AGBL4: variants seen among roughly 807,000 people sequenced by gnomAD.
AGBL4 encodes the protein cytosolic carboxypeptidase 6.
In AGBL4, 58 loss-of-function variants were observed where a neutral mutation model predicts 66.4. The observed-to-expected ratio is 0.87, with a 90% CI of 0.71 to 1.09. The LOEUF is 1.09. AGBL4 is among the 50% of genes least tolerant of loss of function. AGBL4 has a pLI of 0.00. For synonymous variants in AGBL4, 234 were observed against 222.9 expected (o/e 1.05, Z -0.44); for missense variants, 579 against 631.0 (o/e 0.92, Z 0.88).
intron 2 of AGBL4, among the ~76,000 whole-genome samples, chr1:49,784,168 T>A (rs1449648009): frequency 6.6e-6 from 1 of 152,058 alleles, no homozygotes; most frequent in Non-Finnish European, 1.5e-5. Flanking sequence ...CTCAGAACAG[T>A]CAGAATAACC....
chr1:48,919,592 G>C (rs1189800203), intron 5 of AGBL4, among the ~76,000 whole-genome samples: 1 of 152,134 alleles, frequency 6.6e-6, no homozygotes, highest in African/African-American at 2.4e-5. Flanking sequence ...CCTACAAATG[G>C]GTTAGATCAG....
intron 1 of AGBL4, among the ~76,000 whole-genome samples, chr1:49,955,210 C>A (rs762029550): frequency 2.6e-5 from 4 of 151,908 alleles, no homozygotes. Context: ...AAGATTTCAA[C>A]CTGTTTCAAG....
At chr1:49,998,726 T>C (rs919674390) in intron 1 of AGBL4, among the ~76,000 whole-genome samples, 1 of 152,118 alleles carries the variant, frequency 6.6e-6, no homozygotes, top group African/African-American at 2.4e-5. Context: ...ATCAAAAAGA[T>C]AATCCACCAT....
At chr1:49,284,078 A>G (rs1354901489) in intron 3 of AGBL4, among the ~76,000 whole-genome samples, 9 of 151,846 alleles carry the variant, frequency 5.9e-5, no homozygotes, top group Admixed American at 5.2e-4. Flanking sequence ...CAGATTCACC[A>G]AAGTTGAAAT....
At chr1:49,633,331 T>A (rs983401189) in intron 3 of AGBL4, among the ~76,000 whole-genome samples, 1 of 152,216 alleles carries the variant, frequency 6.6e-6, no homozygotes, top group Non-Finnish European at 1.5e-5. Context: ...AAAGCAGGAC[T>A]TATGTCTATT....
intron 5 of AGBL4, among the ~76,000 whole-genome samples, chr1:48,929,433 C>G (rs1488222164): frequency 5.9e-5 from 9 of 152,268 alleles, no homozygotes; most frequent in Admixed American, 3.9e-4. Context: ...CTTCCTGCCC[C>G]CCTTTTAAAA....
At chr1:49,687,781 A>G (rs1412677245) in intron 3 of AGBL4, among the ~76,000 whole-genome samples, 1 of 152,092 alleles carries the variant, frequency 6.6e-6, no homozygotes, top group Non-Finnish European at 1.5e-5. Context: ...TCTAAAAAAA[A>G]TAAAAAAAAA....
At chr1:48,718,789 G>A (rs182930446) in intron 6 of AGBL4, among the ~76,000 whole-genome samples, 1 of 152,122 alleles carries the variant, frequency 6.6e-6, no homozygotes, top group African/African-American at 2.4e-5. Flanking sequence ...TATAACTGAG[G>A]CTCATAGGAA....
chr1:48,813,990 G>A (rs1646118138), intron 6 of AGBL4, among the ~76,000 whole-genome samples: 1 of 152,040 alleles, frequency 6.6e-6, no homozygotes, highest in Admixed American at 6.6e-5. Flanking sequence ...CTCCTCTCTT[G>A]TGAATATATT....
intron 4 of AGBL4, among the ~76,000 whole-genome samples, chr1:49,175,523 G>T (rs976685718): frequency 1.3e-5 from 2 of 151,972 alleles, no homozygotes; most frequent in African/African-American, 4.8e-5. Flanking sequence ...ACTGAATGAA[G>T]ATCAACATTC....
intron 3 of AGBL4, among the ~76,000 whole-genome samples, chr1:49,332,285 G>A (rs995273713): frequency 9.2e-5 from 14 of 152,154 alleles, no homozygotes; most frequent in African/African-American, 3.1e-4. Context: ...TACCAAAACA[G>A]ATTTAAAAAG....
chr1:48,923,824 A>G (rs1269200950), intron 5 of AGBL4, among the ~76,000 whole-genome samples: 1 of 152,218 alleles, frequency 6.6e-6, no homozygotes, highest in Admixed American at 6.5e-5. Flanking sequence ...GTGGGCATGT[A>G]AGTCTCCTAA....
chr1:48,524,609 C>A, the AGBL4 span, among the ~76,000 whole-genome samples: 1 of 152,172 alleles, frequency 6.6e-6, no homozygotes, highest in Non-Finnish European at 1.5e-5. Flanking sequence ...CAGCTTAACC[C>A]AGGACCTCTG....
intron 3 of AGBL4, among the ~76,000 whole-genome samples, chr1:49,341,430 G>C (rs1167850092): frequency 6.6e-6 from 1 of 152,098 alleles, no homozygotes; most frequent in Non-Finnish European, 1.5e-5. Flanking sequence ...AGACATAGGA[G>C]GTTAAAGGCC....
chr1:49,636,358 G>C lies in AGBL4; in HGVS notation c.282+60955C>G, dbSNP rs147126424. Among the ~76,000 whole-genome samples the C allele has an allele frequency of 3.4e-4, 52 of 152,232 alleles. 1 individual carries two copies. The highest frequency in any genetic ancestry group is 2.9e-3 in the South Asian group (14 of 4,818). On this transcript the variant is annotated intron_variant, in intron 3 of 13. Coordinates refer to ENST00000371839, the MANE Select transcript of AGBL4 (RefSeq NM_032785.4). ...GAGAGAAAGAAGTAAGCTCTCTTGT[G>C]TCTCTTCTTATACAGGCACTAATCT...
At chr1:49,009,674 T>G (rs1255431565) in intron 5 of AGBL4, among the ~76,000 whole-genome samples, 4 of 150,214 alleles carry the variant, frequency 2.7e-5, no homozygotes, top group African/African-American at 9.7e-5. Context: ...AAAAAGCTTA[T>G]CCACCATGAT....
chr1:48,532,971 A>G lies in AGBL4; in HGVS notation c.*1202T>C, dbSNP rs1431473912. 6.6e-6 allele frequency: 1 copy of G among 152,228 alleles called. No homozygotes were observed. Among genetic ancestry groups the G allele is most frequent in the Non-Finnish European group, 1.5e-5 (1 of 68,068 alleles). 9.4% of individuals were successfully genotyped at this position (152,228 alleles called of 1,614,324 possible). On this transcript the variant is annotated 3_prime_UTR_variant, in exon 14 of 14. Transcript: ENST00000371839. Reference sequence around the variant, plus strand: ...TGGCTCTTTGTCATCATTTCTGAAAACTAGCATGCAAAGGAGAACAAGTTT... The same window carrying G: ...TGGCTCTTTGTCATCATTTCTGAAAGCTAGCATGCAAAGGAGAACAAGTTT...
At chr1:49,479,355 A>G (rs1358610169) in intron 3 of AGBL4, among the ~76,000 whole-genome samples, 1 of 151,920 alleles carries the variant, frequency 6.6e-6, no homozygotes, top group Non-Finnish European at 1.5e-5. Context: ...TATGTTACAT[A>G]GGTAAACCTG....
rs1645800406 is a variant in AGBL4 at position 49,834,749 on chromosome 1, C to G, written c.157+16647G>C. Among the ~76,000 whole-genome samples, 3 of 152,138 alleles carry G rather than the reference C, an allele frequency of 2.0e-5. No individual in the cohort carries two copies. The South Asian group carries it at 6.2e-4, about 31-fold the overall frequency. On this transcript the variant is annotated intron_variant, in intron 2 of 13. Transcript: ENST00000371839. ...CCTCTAAACACTGCTTTAACTGTGT[C>G]TTGGAGATTCTGGTACATTATCTCT...
Sources: allele counts gnomAD v4.1 joint callset (sites outside exome capture counted in the v4.1 genomes callset), GRCh38; gene constraint gnomAD v4.1.1; transcripts MANE v1.5; gene names NCBI Gene and HGNC (gene_info 2026-07-23, HGNC 2026-07-21).